Variants in BRD3 observed in about 807,000 individuals in gnomAD.
The protein encoded by BRD3 is bromodomain-containing protein 3.
A neutral mutation model predicts 66.8 loss-of-function variants in BRD3; 17 were observed. The ratio of observed to expected loss-of-function variants is 0.25; its 90% CI spans 0.17 to 0.38. BRD3 has a LOEUF of 0.38. Ranked by LOEUF, BRD3 falls within the 10% of genes least tolerant of loss-of-function variation. The probability of loss-of-function intolerance (pLI) is 1.00; values close to 1 mark genes in which losing one functional copy is unlikely to be tolerated. For synonymous variants in BRD3, 421 were observed against 393.2 expected, an observed-to-expected ratio of 1.07 and a Z score of -0.84; for missense variants, 713 against 956.1, an observed-to-expected ratio of 0.75 and a Z score of 3.35.
At position 134,051,773 on chromosome 9, in the gene BRD3, A is replaced by G. The variant is rs1830302036; in HGVS notation, c.352-64T>C. ...GAGCTGTGTGCTTGCAAAGGACATT[A>G]TTAGTTGTAGCTCAAAAAAATATTT... On this transcript the variant is annotated intron_variant, in intron 3 of 11. Coordinates refer to ENST00000303407, the MANE Select transcript of BRD3 (RefSeq NM_007371.4). 3 of 1,530,712 alleles carry G rather than the reference A, an allele frequency of 2.0e-6. No individual in the cohort carries two copies. The African/African-American group carries it at 4.3e-5, about 22-fold the overall frequency. The allele number at this position is 1,530,712 out of a possible 1,614,324, so 94.8% of individuals were successfully genotyped here. A position where few individuals can be genotyped will look rare whatever the true frequency, so the allele number is the denominator to read the frequency against.
chr9:134,045,034 G>C lies in BRD3; in HGVS notation c.1215+259C>G, dbSNP rs1830138822. ...ACACGCACCAGTCCCTGGAGGGAAA[G>C]ACTCACTACTGCGACACCCCCACAG... On this transcript the variant is annotated intron_variant, in intron 7 of 11. Coordinates refer to ENST00000303407, the MANE Select transcript of BRD3 (RefSeq NM_007371.4). The surrounding 1 kb of genome is among the most constrained non-coding windows in gnomAD (Gnocchi z 4.8). 6.6e-6 allele frequency among the ~76,000 whole-genome samples: 1 copy of C among 152,214 alleles called. No individual in the cohort carries two copies. The highest frequency in any genetic ancestry group is 2.1e-4 in the South Asian group (1 of 4,836).
rs762577259 is a variant in BRD3 at position 134,034,685 on chromosome 9, C to T, written c.2065+16G>A. On this transcript the variant is annotated intron_variant, in intron 11 of 11. Coordinates refer to ENST00000303407, the MANE Select transcript of BRD3 (RefSeq NM_007371.4). ...ACCCCCCTAAAGAGGGGTGGCACAG[C>T]GGCCGCCAGCGGTACCTTTCCGGGC... 9.4e-6 allele frequency: 15 copies of T among 1,601,284 alleles called. No individual in the cohort carries two copies. The highest frequency in any genetic ancestry group is 1.6e-4 in the Middle Eastern group (1 of 6,082).
At chr9:134,053,814 G>A (rs926706634) in intron 1 of BRD3, 13 of 321,038 alleles carry the variant, frequency 4.0e-5, no homozygotes, top group Non-Finnish European at 5.7e-5. Context: ...TCTCAGGCAC[G>A]GGAGGGAAGG....
chr9:134,041,591 C>G (rs1208566632), intron 8 of BRD3, among the ~76,000 whole-genome samples, 169 bp downstream of exon 8: 1 of 152,246 alleles, frequency 6.6e-6, no homozygotes, highest in Non-Finnish European at 1.5e-5. Context: ...AGGCTCGCAC[C>G]ACCCCAGACC....
chr9:134,055,399 T>A (rs1010240616), intron 1 of BRD3, among the ~76,000 whole-genome samples: 1 of 152,158 alleles, frequency 6.6e-6, no homozygotes, highest in East Asian at 1.9e-4. Context: ...CTTGCGGCCC[T>A]CCCTCAAGGC....
chr9:134,047,701 G>A (rs1830204054), intron 6 of BRD3, among the ~76,000 whole-genome samples: 1 of 152,234 alleles, frequency 6.6e-6, no homozygotes, highest in Non-Finnish European at 1.5e-5. Flanking sequence ...TCTGCTGTGA[G>A]GCGCCTGTAT....
Position 134,041,769 on chromosome 9 carries a change from C to T in BRD3, c.1398G>A (p.Leu466=), listed in dbSNP as rs1830052667. The T allele has an allele frequency of 6.2e-7, 1 of 1,609,680 alleles. No individual in the cohort carries two copies. Among genetic ancestry groups the T allele is most frequent in the Admixed American group, 1.7e-5 (1 of 59,864 alleles). The change falls in exon 8 of 12, where the codon CTG becomes CTA. Residue 466 remains leucine (L), a synonymous_variant. Coordinates refer to ENST00000303407, the MANE Select transcript of BRD3 (RefSeq NM_007371.4). ...GCATGCCAGTGCCCACCTGCTCCTG[C>T]AGCTCCGCCAGCCTGGTGGCCCGCT... ...EEERATRLAE[L]QEQLKAVHEQ...
chr9:134,068,501 T>A (rs1450482575), upstream of BRD3: 1 of 150,140 alleles, frequency 6.7e-6, no homozygotes, highest in East Asian at 2.0e-4. Context: ...CGGGAGCCCG[T>A]GTTTGTAAAC....
chr9:134,065,014 G>A (rs1018681576), intron 1 of BRD3, among the ~76,000 whole-genome samples: 7 of 152,226 alleles, frequency 4.6e-5, no homozygotes, highest in African/African-American at 1.7e-4. Flanking sequence ...CACAGGGGTC[G>A]GGAAGGCCCA....
At position 134,031,433 on chromosome 9, in the gene BRD3, G is replaced by A. The variant is rs536692325; in HGVS notation, c.*2157C>T. 11 of 206,838 alleles carry A rather than the reference G, an allele frequency of 5.3e-5. No individual in the cohort carries two copies. The highest frequency in any genetic ancestry group is 6.9e-5 in the Non-Finnish European group (7 of 101,366). The allele number at this position is 206,838 out of a possible 1,614,324, so 12.8% of individuals were successfully genotyped here. On this transcript the variant is annotated 3_prime_UTR_variant, in exon 12 of 12. Transcript: ENST00000303407. ...CCTGCGTGAAGACCTGTCAACTGTC[G>A]TGTGTGAATTCCTTAAATTCGGTTT... is the stretch of plus-strand genomic sequence containing the variant.
chr9:134,041,260 C>A (rs1005258209), intron 8 of BRD3, among the ~76,000 whole-genome samples: 16 of 152,186 alleles, frequency 1.1e-4, no homozygotes, highest in Non-Finnish European at 1.5e-5. Context: ...CAAGACAGCT[C>A]AGAGTGGGTG....
At chr9:134,061,869 G>A (rs12342317) in intron 1 of BRD3, among the ~76,000 whole-genome samples, 4 of 152,268 alleles carry the variant, frequency 2.6e-5, no homozygotes. Flanking sequence ...GGCTGTGGCA[G>A]GAGGGAGCTG....
chr9:134,046,965 G>A (rs1830184299), intron 6 of BRD3, among the ~76,000 whole-genome samples: 1 of 152,228 alleles, frequency 6.6e-6, no homozygotes, highest in South Asian at 2.1e-4. Flanking sequence ...CCTGTTAACT[G>A]TGCTATGGTA....
Position 134,054,767 on chromosome 9 carries a change from C to T in BRD3, c.-113-1177G>A, listed in dbSNP as rs146381270. On this transcript the variant is annotated intron_variant, in intron 1 of 11. Transcript: ENST00000303407. ...ATCTGGTTGGTCCCCTGAAATCTGCCTCGGTGGGCAGTTACACCACAGCCA... is the reference window on the plus strand; with the variant it reads ...ATCTGGTTGGTCCCCTGAAATCTGCTTCGGTGGGCAGTTACACCACAGCCA... Among the ~76,000 whole-genome samples the T allele has an allele frequency of 5.9e-5, 9 of 152,296 alleles. No individual in the cohort carries two copies. The East Asian group carries it at 1.7e-3, about 29-fold the overall frequency.
rs1213496368 is a variant in BRD3, at chr9:134,033,461, TATC to T, written c.*126_*128del. The T allele has an allele frequency of 1.9e-5, 11 of 588,996 alleles. No individual in the cohort carries two copies. Among genetic ancestry groups the T allele is most frequent in the Non-Finnish European group, 2.8e-5 (9 of 325,022 alleles). 36.5% of individuals were successfully genotyped at this position (588,996 alleles called of 1,614,324 possible). ...ACCTATGAAAGCAAAAACTGGAAGA[TATC>T]ATAACACTGAATTAAGAAGCAGACC... On this transcript the variant is annotated 3_prime_UTR_variant, in exon 12 of 12. Transcript: ENST00000303407. This position sits in a 1 kb window ranked among gnomAD's most constrained non-coding sequence, Gnocchi z 5.1.
intron 3 of BRD3, among the ~76,000 whole-genome samples, 158 bp from the exon 4 acceptor site, chr9:134,051,867 GTGTGTGTGTGTTGTTTTTT>G (rs1452955232): frequency 4.2e-4 from 48 of 113,060 alleles, no homozygotes; most frequent in African/African-American, 1.6e-3. Flanking sequence ...GTGTGTGTGT[GTGTGTGTGTGTTGTTTTTT>G]TTGTTTTTTT....
chr9:134,043,343 TC>T (rs1423406216), intron 7 of BRD3, among the ~76,000 whole-genome samples: 3 of 152,046 alleles, frequency 2.0e-5, no homozygotes, highest in African/African-American at 7.2e-5. Context: ...TCAGCAAACA[TC>T]CCCCTCCCTG....
At chr9:134,055,095 C>T (rs1830389148) in intron 1 of BRD3, among the ~76,000 whole-genome samples, 1 of 152,154 alleles carries the variant, frequency 6.6e-6, no homozygotes, top group Admixed American at 6.5e-5. Context: ...CAGGCTGCAA[C>T]CCTGGTGCGG....
At chr9:134,067,357 C>A (rs984004347) in intron 1 of BRD3, among the ~76,000 whole-genome samples, 116 of 151,490 alleles carry the variant, frequency 7.7e-4, no homozygotes, top group Middle Eastern at 3.4e-3. Flanking sequence ...CCTTGCCCCC[C>A]GCCCCGGCCG....
Sources: gnomAD v4.1 joint callset for allele counts (sites outside exome capture counted in the v4.1 genomes callset) on GRCh38, gnomAD v4.1.1 for gene constraint, Gnocchi (gnomAD v3.1) non-coding constraint, MANE v1.5 for transcripts, NCBI Gene and HGNC (gene_info 2026-07-23, HGNC 2026-07-21) for gene names.